Variants in HECTD4 observed in about 807,000 individuals in gnomAD.
HECTD4 encodes the protein probable E3 ubiquitin-protein ligase HECTD4.
Under a neutral mutation model 471.5 loss-of-function variants are expected in HECTD4, and 114 were observed. The observed-to-expected ratio is 0.24, with a 90% CI of 0.21 to 0.28. HECTD4 has a LOEUF of 0.28. HECTD4 is among the 10% of genes least tolerant of loss of function. The probability of loss-of-function intolerance (pLI) is 1.00; values close to 1 mark genes in which losing one functional copy is unlikely to be tolerated. For synonymous variants in HECTD4, 2,012 were observed against 2,256.0 expected, an observed-to-expected ratio of 0.89 and a Z score of 3.07; for missense variants, 3,866 against 5,651.5, an observed-to-expected ratio of 0.68 and a Z score of 10.13.
intron 1 of HECTD4, among the ~76,000 whole-genome samples, chr12:112,331,992 G>A (rs1320384502): frequency 6.6e-6 from 1 of 152,082 alleles, no homozygotes; most frequent in African/African-American, 2.4e-5. Flanking sequence ...TGACTAATCT[G>A]GAAATCATGT....
At chr12:112,226,076 G>A (rs2033225042) in intron 44 of HECTD4, among the ~76,000 whole-genome samples, 1 of 152,010 alleles carries the variant, frequency 6.6e-6, no homozygotes, top group African/African-American at 2.4e-5. Flanking sequence ...TAATTCCAGG[G>A]GTTGCAGCAC....
At chr12:112,202,283 G>A (rs975460054) in intron 54 of HECTD4, among the ~76,000 whole-genome samples, 3 of 151,530 alleles carry the variant, frequency 2.0e-5, no homozygotes, top group African/African-American at 7.3e-5. Context: ...TCGGCTCACC[G>A]CAACCTCTGT....
At chr12:112,218,390 G>T (rs998805126) in intron 45 of HECTD4, among the ~76,000 whole-genome samples, 1 of 152,060 alleles carries the variant, frequency 6.6e-6, no homozygotes, top group Non-Finnish European at 1.5e-5. Context: ...GTCAATCGCC[G>T]TTCCTCTCTT....
chr12:112,184,103 G>T lies in HECTD4; in HGVS notation c.10779+84C>A. On this transcript the variant is annotated intron_variant, in intron 61 of 75. Transcript: ENST00000682272. The surrounding 1 kb of genome is among the most constrained non-coding windows in gnomAD (Gnocchi z 9.1). ...CAACCGCTCCACCATTACCTACTAG[G>T]AAATAACTTTGGAAGATTTAAAGAG... 1.5e-6 allele frequency: 2 copies of T among 1,336,328 alleles called. No individual in the cohort carries two copies. The highest frequency in any genetic ancestry group is 1.0e-6 in the Non-Finnish European group (1 of 966,022). 82.8% of individuals were successfully genotyped at this position (1,336,328 alleles called of 1,614,324 possible). A position where few individuals can be genotyped will look rare whatever the true frequency, so the allele number is the denominator to read the frequency against.
At position 112,235,667 on chromosome 12, in the gene HECTD4, C is replaced by T. The variant is rs369216194; in HGVS notation, c.5562G>A (p.Arg1854=). Residue 1854 remains arginine, a synonymous_variant, in exon 36 of 76, where the codon CGG becomes CGA. Coordinates refer to ENST00000682272, the MANE Select transcript of HECTD4 (RefSeq NM_001388303.1). This position sits in a 1 kb window ranked among gnomAD's most constrained non-coding sequence, Gnocchi z 5.0. ...KLVLIILQLC[R]AALPLMSVED... is the part of the protein sequence containing the mutation. ...CTACGCTCATCAGGGGCAGCGCCGC[C>T]CGGCACAGCTGGAGAATAATAAGGA... 10 of 1,613,982 alleles carry T rather than the reference C, an allele frequency of 6.2e-6. No individual in the cohort carries two copies. Among genetic ancestry groups the T allele is most frequent in the Non-Finnish European group, 7.6e-6 (9 of 1,179,880 alleles).
At chr12:112,368,737 GTATT>G (rs2036613522) in intron 1 of HECTD4, among the ~76,000 whole-genome samples, 1 of 151,936 alleles carries the variant, frequency 6.6e-6, no homozygotes, top group African/African-American at 2.4e-5. Context: ...TAATCCCAGG[GTATT>G]TATTGTCTCT....
chr12:112,288,022 T>C (rs1413607712), intron 7 of HECTD4, among the ~76,000 whole-genome samples: 1 of 151,986 alleles, frequency 6.6e-6, no homozygotes, highest in Non-Finnish European at 1.5e-5. Context: ...TTTTTTTTTT[T>C]TTCTACATTA....
At chr12:112,264,267 A>G in intron 16 of HECTD4, 55 bp from the exon 17 acceptor site, 1 of 1,365,838 alleles carries the variant, frequency 7.3e-7, no homozygotes, top group Non-Finnish European at 9.7e-7. Context: ...AAGAGCGATC[A>G]TGTAATCCTC....
chr12:112,188,664 G>A lies in HECTD4; in HGVS notation c.9472+2122C>T, dbSNP rs993480499. 2.6e-5 allele frequency among the ~76,000 whole-genome samples: 4 copies of A among 152,246 alleles called. No individual in the cohort carries two copies. The highest frequency in any genetic ancestry group is 9.6e-5 in the African/African-American group (4 of 41,462). On this transcript the variant is annotated intron_variant, in intron 60 of 75. Transcript: ENST00000682272. The surrounding 1 kb of genome is among the most constrained non-coding windows in gnomAD (Gnocchi z 4.2). ...AGATTACTGGCCGGGGGAATCCCAA[G>A]GGCCTGCTGAAGCTGACTTACTAAG...
intron 55 of HECTD4, among the ~76,000 whole-genome samples, chr12:112,199,200 G>A (rs1370271387): frequency 6.6e-6 from 1 of 152,196 alleles, no homozygotes; most frequent in African/African-American, 2.4e-5. Context: ...CTATGTGGAC[G>A]ACTGTGAGGA....
At chr12:112,308,649 G>T in intron 6 of HECTD4, 104 bp downstream of exon 6, 1 of 1,088,288 alleles carries the variant, frequency 9.2e-7, no homozygotes, top group Non-Finnish European at 1.3e-6. Context: ...ATGCCACTCT[G>T]GGAGGAAAAT....
chr12:112,381,462 T>C lies in HECTD4; in HGVS notation c.177+490A>G, dbSNP rs1198590262. Among the ~76,000 whole-genome samples the C allele has an allele frequency of 6.6e-6, 1 of 150,696 alleles. No individual in the cohort carries two copies. Among genetic ancestry groups the C allele is most frequent in the Non-Finnish European group, 1.5e-5 (1 of 67,708 alleles). On this transcript the variant is annotated intron_variant, in intron 1 of 75. Coordinates refer to ENST00000682272, the MANE Select transcript of HECTD4 (RefSeq NM_001388303.1). This position sits in a 1 kb window ranked among gnomAD's most constrained non-coding sequence, Gnocchi z 4.1. ...CGCGGACCCGCAGCTGCCACTACCC[T>C]CTCCCGGAAAAAAACCAAACCAAAC...
intron 21 of HECTD4, 94 bp downstream of exon 21, chr12:112,256,225 AG>A: frequency 1.1e-6 from 1 of 881,004 alleles, no homozygotes; most frequent in South Asian, 2.3e-5. Flanking sequence ...GACAGAAATC[AG>A]TCAAGAATGG....
At chr12:112,349,890 A>T (rs1001218970) in intron 1 of HECTD4, among the ~76,000 whole-genome samples, 1 of 152,182 alleles carries the variant, frequency 6.6e-6, no homozygotes, top group South Asian at 2.1e-4. Flanking sequence ...CACATTGAAT[A>T]ATTTTATATT....
intron 1 of HECTD4, among the ~76,000 whole-genome samples, chr12:112,366,428 C>T (rs913763128): frequency 3.3e-5 from 5 of 151,754 alleles, no homozygotes; most frequent in African/African-American, 1.2e-4. Flanking sequence ...GCTGAGATGG[C>T]GGGATTGCTT....
At chr12:112,260,014 T>A (rs1443437007) in intron 18 of HECTD4, among the ~76,000 whole-genome samples, 2 of 152,020 alleles carry the variant, frequency 1.3e-5, no homozygotes, top group Non-Finnish European at 2.9e-5. Context: ...AAGTGTACAT[T>A]TCAGTGTTAT....
intron 7 of HECTD4, among the ~76,000 whole-genome samples, chr12:112,298,780 G>A (rs2035098159): frequency 6.6e-6 from 1 of 151,716 alleles, no homozygotes; most frequent in African/African-American, 2.4e-5. Context: ...TACTCAGGAG[G>A]CTGAGGCGGG....
chr12:112,359,544 G>C (rs1347624143), intron 1 of HECTD4, among the ~76,000 whole-genome samples: 3 of 152,084 alleles, frequency 2.0e-5, no homozygotes, highest in African/African-American at 7.2e-5. Context: ...TTCAGCTTCT[G>C]AGTAGCTGGG....
chr12:112,163,857 C>T lies in HECTD4; in HGVS notation c.12702-120G>A, dbSNP rs1435751923. On this transcript the variant is annotated intron_variant, in intron 73 of 75. Transcript: ENST00000682272. This position sits in a 1 kb window ranked among gnomAD's most constrained non-coding sequence, Gnocchi z 8.2. ...TTGGGAGAGGCCTGGGGCCCAGCCG[C>T]CCTGGTCATCCCAGTCCTTTCCTGC... The T allele has an allele frequency of 8.3e-6, 8 of 967,496 alleles. No homozygotes were observed. The Admixed American group carries it at 1.0e-4, about 12-fold the overall frequency. The allele number at this position is 967,496 out of a possible 1,614,324, so 59.9% of individuals were successfully genotyped here.
Sources: allele counts gnomAD v4.1 joint callset (sites outside exome capture counted in the v4.1 genomes callset), GRCh38; gene constraint gnomAD v4.1.1; non-coding constraint Gnocchi (gnomAD v3.1); transcripts MANE v1.5; gene names NCBI Gene and HGNC (gene_info 2026-07-23, HGNC 2026-07-21).